Variants in ADAMTSL3 observed in about 807,000 individuals in gnomAD.
The protein encoded by ADAMTSL3 is ADAMTS-like protein 3.
Under a neutral mutation model 201.7 loss-of-function variants are expected in ADAMTSL3, and 128 were observed. The ratio of observed to expected loss-of-function variants is 0.63; its 90% CI spans 0.55 to 0.73. The LOEUF is 0.73. Among genes scored for constraint, ADAMTSL3 ranks in the 30% least tolerant of loss-of-function variants. The pLI, the probability that ADAMTSL3 is intolerant of heterozygous loss-of-function variation, is 0.00. For synonymous variants in ADAMTSL3, 738 were observed against 748.4 expected, an observed-to-expected ratio of 0.99 and a Z score of 0.23; for missense variants, 1,990 against 2,119.6, an observed-to-expected ratio of 0.94 and a Z score of 1.20.
intron 4 of ADAMTSL3, among the ~76,000 whole-genome samples, chr15:83,774,469 A>G (rs2063038255): frequency 6.6e-6 from 1 of 152,238 alleles, no homozygotes; most frequent in Non-Finnish European, 1.5e-5. Context: ...TATGTCCTCC[A>G]GTTTCCTTGA....
chr15:83,729,445 AT>A (rs71156095), intron 3 of ADAMTSL3, among the ~76,000 whole-genome samples: 30,267 of 150,574 alleles, frequency 0.2, 3,933 homozygotes, highest in Middle Eastern at 0.37. Context: ...GTTATTTTTT[AT>A]TTTTTTTCTT....
chr15:83,797,338 T>C (rs570828544), intron 4 of ADAMTSL3, among the ~76,000 whole-genome samples: 1 of 152,180 alleles, frequency 6.6e-6, no homozygotes, highest in South Asian at 2.1e-4. Context: ...TGAGGCTGGG[T>C]GTGGTGGCTT....
At chr15:83,986,187 G>A (rs918166613) in intron 21 of ADAMTSL3, among the ~76,000 whole-genome samples, 5 of 152,126 alleles carry the variant, frequency 3.3e-5, no homozygotes, top group African/African-American at 1.2e-4. Context: ...CATGGACTAT[G>A]CTTTGAAGAC....
Position 83,935,075 on chromosome 15 carries a change from C to G in ADAMTSL3, c.2118-7521C>G, listed in dbSNP as rs62027788. ...AAGAGGGTAAAGAATGAGAAATTAC[C>G]TAATAGGTACAATGTACATTATTCT... On this transcript the variant is annotated intron_variant, in intron 17 of 29. Transcript: ENST00000286744. Among the ~76,000 whole-genome samples the G allele has an allele frequency of 5.7e-4, 87 of 152,208 alleles. 1 individual carries two copies. The South Asian group carries it at 0.018, about 31-fold the overall frequency.
Position 83,801,639 on chromosome 15 carries a change from T to TATATATATATAAATATAA in ADAMTSL3, c.318-3006_318-3005insTATATAAATATAAATATA, listed in dbSNP as rs1237756327. Among the ~76,000 whole-genome samples, 181 of 29,914 alleles carry TATATATATATAAATATAA rather than the reference T, an allele frequency of 6.1e-3. 7 individuals carry two copies. The highest frequency in any genetic ancestry group is 0.025 in the African/African-American group (168 of 6,618). 19.6% of individuals were successfully genotyped at this position (29,914 alleles called of 152,430 possible). On this transcript the variant is annotated intron_variant, in intron 4 of 29. Coordinates refer to ENST00000286744, the MANE Select transcript of ADAMTSL3 (RefSeq NM_207517.3). ...GTCAATGAAATTTTATATATATAAA[T>TATATATATATAAATATAA]ATATAAATATAAATATATATATATA...
At chr15:83,748,139 G>A (rs2062578055) in intron 3 of ADAMTSL3, among the ~76,000 whole-genome samples, 1 of 152,142 alleles carries the variant, frequency 6.6e-6, no homozygotes, top group African/African-American at 2.4e-5. Context: ...CACATCAAAA[G>A]TACACTGCTC....
At chr15:83,669,760 G>A (rs1157808786) in intron 2 of ADAMTSL3, among the ~76,000 whole-genome samples, 5 of 151,546 alleles carry the variant, frequency 3.3e-5, no homozygotes, top group African/African-American at 9.7e-5. Flanking sequence ...GAGCCACCGC[G>A]CCCGGCCAGG....
chr15:83,700,590 C>G (rs1248065621), intron 2 of ADAMTSL3, among the ~76,000 whole-genome samples: 1 of 152,042 alleles, frequency 6.6e-6, no homozygotes, highest in Non-Finnish European at 1.5e-5. Flanking sequence ...ATGGTGAAAC[C>G]CCGTCTCTAC....
intron 2 of ADAMTSL3, among the ~76,000 whole-genome samples, chr15:83,674,058 T>C (rs1303799163): frequency 6.6e-6 from 1 of 150,884 alleles, no homozygotes; most frequent in African/African-American, 2.4e-5. Flanking sequence ...TTATGTTTTT[T>C]TTTTTTTGGA....
chr15:83,963,618 A>G (rs1268713388), intron 19 of ADAMTSL3, among the ~76,000 whole-genome samples: 2 of 152,214 alleles, frequency 1.3e-5, no homozygotes, highest in Non-Finnish European at 2.9e-5. Flanking sequence ...CTGGCTCTGA[A>G]GAGAGCAGCA....
In ADAMTSL3 at chr15:83,872,627, C is replaced by CACACACACACACACAGAG. The variant is rs6145659; in HGVS notation, c.960+1669_960+1670insCACACACACACACAGAGA. ...ACACACACACACACACACACACACA[C>CACACACACACACACAGAG]AGAGTTTTTGTTCTCTTTTAATTAC... is the stretch of plus-strand genomic sequence containing the variant. On this transcript the variant is annotated intron_variant, in intron 9 of 29. Transcript: ENST00000286744. Among the ~76,000 whole-genome samples the CACACACACACACACAGAG allele has an allele frequency of 1.4e-3, 193 of 141,014 alleles. 1 individual carries two copies. The highest frequency in any genetic ancestry group is 1.6e-3 in the Non-Finnish European group (103 of 66,000). 92.5% of individuals were successfully genotyped at this position (141,014 alleles called of 152,430 possible).
intron 3 of ADAMTSL3, among the ~76,000 whole-genome samples, chr15:83,770,017 T>G (rs916137324): frequency 6.6e-6 from 1 of 152,076 alleles, no homozygotes; most frequent in Non-Finnish European, 1.5e-5. Flanking sequence ...TTAATTAAGG[T>G]ATGATGTGTT....
At chr15:84,016,318 C>A (rs146448200) in intron 24 of ADAMTSL3, 65 bp from the exon 25 acceptor site, 19,169 of 1,312,576 alleles carry the variant, frequency 0.015, 152 homozygotes, top group Non-Finnish European at 0.018. Context: ...TTTAAGAACA[C>A]CCAAGCTGGA....
intron 15 of ADAMTSL3, among the ~76,000 whole-genome samples, chr15:83,905,632 A>G (rs760685826): frequency 1.3e-5 from 2 of 152,254 alleles, no homozygotes; most frequent in African/African-American, 2.4e-5. Context: ...TCTCAATTAC[A>G]TTTTTGAAAG....
intron 23 of ADAMTSL3, among the ~76,000 whole-genome samples, chr15:84,002,234 C>G (rs1432892952): frequency 6.6e-6 from 1 of 152,140 alleles, no homozygotes; most frequent in South Asian, 2.1e-4. Flanking sequence ...CTTCAAACAC[C>G]TATCAAATTT....
intron 3 of ADAMTSL3, among the ~76,000 whole-genome samples, chr15:83,715,368 G>A (rs548598276): frequency 7.9e-5 from 12 of 152,246 alleles, no homozygotes; most frequent in Admixed American, 2.6e-4. Flanking sequence ...ATAATACATG[G>A]CTACATACAT....
intron 3 of ADAMTSL3, among the ~76,000 whole-genome samples, chr15:83,724,424 G>T (rs1470831542): frequency 1.3e-5 from 2 of 151,810 alleles, no homozygotes; most frequent in Non-Finnish European, 2.9e-5. Flanking sequence ...ACATTTGTGG[G>T]TACCTAGTAA....
intron 3 of ADAMTSL3, among the ~76,000 whole-genome samples, chr15:83,712,101 C>T (rs2061941322): frequency 6.6e-6 from 1 of 152,200 alleles, no homozygotes; most frequent in Non-Finnish European, 1.5e-5. Flanking sequence ...TCCTCACAGC[C>T]TTCAAGTGCT....
At chr15:83,784,571 G>C (rs2063229622) in intron 4 of ADAMTSL3, among the ~76,000 whole-genome samples, 1 of 152,008 alleles carries the variant, frequency 6.6e-6, no homozygotes, top group Non-Finnish European at 1.5e-5. Context: ...TATACGCTCA[G>C]ATTACAATCT....
Sources: allele counts gnomAD v4.1 joint callset (sites outside exome capture counted in the v4.1 genomes callset), GRCh38; gene constraint gnomAD v4.1.1; transcripts MANE v1.5; gene names NCBI Gene and HGNC (gene_info 2026-07-23, HGNC 2026-07-21).